Variants in ADK observed in about 807,000 individuals in gnomAD.
ADK encodes N6,N6-dimethyladenosine kinase.
In ADK, 24 loss-of-function variants were observed where a neutral mutation model predicts 44.7. The ratio of observed to expected loss-of-function variants is 0.54; its 90% CI spans 0.39 to 0.76. ADK has a LOEUF of 0.76. Ranked by LOEUF, ADK falls within the 30% of genes least tolerant of loss-of-function variation. The pLI is 0.00. For synonymous variants in ADK, 128 were observed against 142.6 expected (o/e 0.90, Z 0.73); for missense variants, 321 against 425.1 (o/e 0.76, Z 2.15).
chr10:74,212,488 G>A (rs575655591), intron 2 of ADK, among the ~76,000 whole-genome samples: 1 of 152,322 alleles, frequency 6.6e-6, no homozygotes, highest in East Asian at 1.9e-4. Context: ...GGTTAAGAGT[G>A]TGCTCTGGAG....
chr10:74,573,501 T>G (rs372423869), intron 7 of ADK, among the ~76,000 whole-genome samples: 9 of 152,332 alleles, frequency 5.9e-5, no homozygotes, highest in South Asian at 2.1e-4. Context: ...CAGATCTCCA[T>G]CTGCGTGCTG....
rs765517372 is a variant in ADK, at chr10:74,169,116, A to G, written c.65+17773A>G. Among the ~76,000 whole-genome samples, 17 of 151,956 alleles carry G rather than the reference A, an allele frequency of 1.1e-4. 1 individual carries two copies. The highest frequency in any genetic ancestry group is 2.2e-4 in the Non-Finnish European group (15 of 67,956). On this transcript the variant is annotated intron_variant, in intron 1 of 10. Coordinates refer to ENST00000539909, the MANE Select transcript of ADK (RefSeq NM_006721.4). ...CATATGTGGTCCCAGCCGCTCAGGA[A>G]GCTGGGGTGGGAGGATTGCTCGAGC... is the stretch of plus-strand genomic sequence containing the variant.
chr10:74,539,800 G>A (rs1849566078), intron 7 of ADK, among the ~76,000 whole-genome samples: 1 of 152,088 alleles, frequency 6.6e-6, no homozygotes, highest in African/African-American at 2.4e-5. Context: ...CTGTAACTTC[G>A]TAAAATTGCT....
At chr10:74,266,256 A>C (rs1382007595) in intron 3 of ADK, among the ~76,000 whole-genome samples, 3 of 152,124 alleles carry the variant, frequency 2.0e-5, no homozygotes, top group Non-Finnish European at 2.9e-5. Context: ...CAGTAACCTC[A>C]GAATAGAAAG....
rs562840123 is a variant in ADK, at chr10:74,457,078, T to G, written c.555+58499T>G. ...GAAAAGATTAACAAAATAGATAGAC[T>G]GCTAGACAGACTACTTAAGAAGAAA... On this transcript the variant is annotated intron_variant, in intron 6 of 10. Coordinates refer to ENST00000539909, the MANE Select transcript of ADK (RefSeq NM_006721.4). Among the ~76,000 whole-genome samples, 199 of 152,198 alleles carry G rather than the reference T, an allele frequency of 1.3e-3. 1 individual carries two copies. Among genetic ancestry groups the G allele is most frequent in the African/African-American group, 4.5e-3 (187 of 41,542 alleles).
chr10:74,426,655 T>C (rs1844806880), intron 6 of ADK, among the ~76,000 whole-genome samples: 2 of 152,032 alleles, frequency 1.3e-5, no homozygotes, highest in Non-Finnish European at 2.9e-5. Flanking sequence ...GATATTGGGG[T>C]ATACTTTCTT....
chr10:74,210,058 G>T (rs976001357), intron 2 of ADK, among the ~76,000 whole-genome samples: 1 of 152,046 alleles, frequency 6.6e-6, no homozygotes, highest in African/African-American at 2.4e-5. Context: ...GGCTGGGCGC[G>T]GTGGCTCACA....
intron 10 of ADK, among the ~76,000 whole-genome samples, chr10:74,703,507 A>T (rs971882590): frequency 6.6e-6 from 1 of 152,136 alleles, no homozygotes; most frequent in African/African-American, 2.4e-5. Flanking sequence ...CAAATAAATT[A>T]AAAATGAGGT....
chr10:74,207,000 C>T (rs538297667), intron 2 of ADK, among the ~76,000 whole-genome samples: 8 of 152,234 alleles, frequency 5.3e-5, no homozygotes, highest in South Asian at 2.1e-4. Flanking sequence ...CTGCCAAGGG[C>T]GAGCCAGGTG....
rs1416104504 is a variant in ADK at position 74,670,303 on chromosome 10, G to A, written c.964+34G>A. On this transcript the variant is annotated intron_variant, in intron 10 of 10. Coordinates refer to ENST00000539909, the MANE Select transcript of ADK (RefSeq NM_006721.4). ...TAATTTATTTCATTCTTACTTACAA[G>A]TAAAACATTTTAACCCTTGTTTCTA... 8 of 1,533,612 alleles carry A rather than the reference G, an allele frequency of 5.2e-6. No homozygotes were observed. The African/African-American group carries it at 5.5e-5, about 10-fold the overall frequency.
At chr10:74,527,192 T>G (rs1236646704) in intron 7 of ADK, among the ~76,000 whole-genome samples, 1 of 152,086 alleles carries the variant, frequency 6.6e-6, no homozygotes, top group Non-Finnish European at 1.5e-5. Context: ...AAAGCCCGTC[T>G]CTACTTAAAA....
intron 6 of ADK, among the ~76,000 whole-genome samples, chr10:74,404,976 G>A (rs1337478398): frequency 1.3e-5 from 2 of 151,832 alleles, no homozygotes; most frequent in Admixed American, 6.6e-5. Flanking sequence ...AATATTTGCA[G>A]CCATTATACA....
At chr10:74,285,848 G>C (rs1847142701) in intron 3 of ADK, among the ~76,000 whole-genome samples, 2 of 151,670 alleles carry the variant, frequency 1.3e-5, no homozygotes, top group Admixed American at 1.3e-4. Flanking sequence ...GTGAGTGAGA[G>C]GTTATAGTCA....
intron 6 of ADK, among the ~76,000 whole-genome samples, chr10:74,477,024 T>C (rs2133330435): frequency 6.6e-6 from 1 of 152,340 alleles, no homozygotes; most frequent in South Asian, 2.1e-4. Flanking sequence ...GGCTGATTTC[T>C]GTTATTGTAT....
intron 10 of ADK, among the ~76,000 whole-genome samples, chr10:74,696,803 C>A (rs1053661265): frequency 4.6e-5 from 7 of 152,188 alleles, no homozygotes; most frequent in African/African-American, 1.7e-4. Context: ...CACTTGCTTT[C>A]TTAAAAATAA....
intron 6 of ADK, among the ~76,000 whole-genome samples, chr10:74,510,437 T>A (rs1156247851): frequency 2.0e-5 from 3 of 152,216 alleles, no homozygotes; most frequent in African/African-American, 7.2e-5. Flanking sequence ...TTTGAGTTCC[T>A]TGTATATTCT....
intron 7 of ADK, among the ~76,000 whole-genome samples, chr10:74,535,708 G>A (rs1181394284): frequency 1.3e-5 from 2 of 149,900 alleles, no homozygotes; most frequent in Non-Finnish European, 3.0e-5. Context: ...TCAGCTTCCC[G>A]AGTAGCTGAG....
At chr10:74,420,236 T>C (rs1272274281) in intron 6 of ADK, among the ~76,000 whole-genome samples, 1 of 152,134 alleles carries the variant, frequency 6.6e-6, no homozygotes, top group East Asian at 1.9e-4. Context: ...ATGGAAACTT[T>C]CGTACTCTGG....
intron 7 of ADK, among the ~76,000 whole-genome samples, chr10:74,567,900 C>T (rs1006711949): frequency 2.0e-5 from 3 of 151,876 alleles, no homozygotes; most frequent in Admixed American, 6.6e-5. Flanking sequence ...AGAGTTTCAC[C>T]GAGTTAGCCA....
Sources: gnomAD v4.1 joint callset for allele counts (sites outside exome capture counted in the v4.1 genomes callset) on GRCh38, gnomAD v4.1.1 for gene constraint, MANE v1.5 for transcripts, NCBI Gene and HGNC (gene_info 2026-07-23, HGNC 2026-07-21) for gene names.